LRRC4C: variants seen among roughly 807,000 people sequenced by gnomAD.
LRRC4C encodes leucine-rich repeat-containing protein 4C.
LRRC4C carries 5 observed loss-of-function variants against 33.6 expected under a neutral mutation model. That is an observed-to-expected ratio of 0.15 (90% confidence interval 0.08 to 0.31). The LOEUF is 0.31. Ranked by LOEUF, LRRC4C falls within the 10% of genes least tolerant of loss-of-function variation. The probability of loss-of-function intolerance (pLI) is 1.00; values close to 1 mark genes in which losing one functional copy is unlikely to be tolerated. For missense variants in LRRC4C, 560 were observed against 796.7 expected (o/e 0.70, Z 3.58); for synonymous variants, 329 against 302.0 (o/e 1.09, Z -0.93).
chr11:40,181,833 G>C (rs1322120277), intron 5 of LRRC4C, among the ~76,000 whole-genome samples: 1 of 152,176 alleles, frequency 6.6e-6, no homozygotes, highest in East Asian at 1.9e-4. Context: ...ATCAGGGCCA[G>C]AGCTGGTCAC....
At chr11:41,113,483 T>G (rs1468783600) in intron 1 of LRRC4C, among the ~76,000 whole-genome samples, 1 of 152,078 alleles carries the variant, frequency 6.6e-6, no homozygotes, top group African/African-American at 2.4e-5. Context: ...AGACCAAATT[T>G]CTGAAAGTCA....
chr11:41,013,726 C>T (rs190504057), intron 1 of LRRC4C, among the ~76,000 whole-genome samples: 1 of 152,244 alleles, frequency 6.6e-6, no homozygotes, highest in African/African-American at 2.4e-5. Context: ...AGTCCGTTCT[C>T]ACACTGCTAT....
At chr11:41,079,040 C>A (rs1391918046) in intron 1 of LRRC4C, among the ~76,000 whole-genome samples, 3 of 152,158 alleles carry the variant, frequency 2.0e-5, no homozygotes, top group Non-Finnish European at 2.9e-5. Flanking sequence ...TAATTTGTCT[C>A]TTATTCTCAA....
intron 4 of LRRC4C, among the ~76,000 whole-genome samples, chr11:40,282,053 A>G (rs1218799319): frequency 6.6e-6 from 1 of 152,180 alleles, no homozygotes; most frequent in Non-Finnish European, 1.5e-5. Context: ...GTAGTTTGAC[A>G]AGAACTAAGA....
chr11:41,417,820 A>C (rs187640917), intron 1 of LRRC4C, among the ~76,000 whole-genome samples: 8 of 151,892 alleles, frequency 5.3e-5, no homozygotes, highest in Admixed American at 3.9e-4. Flanking sequence ...TCTGTACACT[A>C]TACATATTAT....
intron 5 of LRRC4C, among the ~76,000 whole-genome samples, chr11:40,157,487 A>C (rs1858800836): frequency 6.6e-6 from 1 of 152,220 alleles, no homozygotes; most frequent in Admixed American, 6.5e-5. Context: ...ACAGAGTGGG[A>C]GAAAATCTTC....
intron 1 of LRRC4C, among the ~76,000 whole-genome samples, chr11:41,128,398 G>T (rs1229583138): frequency 6.6e-6 from 1 of 152,098 alleles, no homozygotes; most frequent in African/African-American, 2.4e-5. Context: ...AACCACACAG[G>T]ACTGTTAGCT....
chr11:41,039,123 G>T (rs1857266065), intron 1 of LRRC4C, among the ~76,000 whole-genome samples: 1 of 152,082 alleles, frequency 6.6e-6, no homozygotes, highest in Admixed American at 6.6e-5. Context: ...AAAGGCAAGG[G>T]TCTAGTTTCA....
At chr11:40,997,418 C>T (rs974925320) in intron 1 of LRRC4C, among the ~76,000 whole-genome samples, 6 of 151,978 alleles carry the variant, frequency 3.9e-5, no homozygotes, top group East Asian at 1.9e-4. Flanking sequence ...GTTGCAGAGA[C>T]GTCAAAAGAG....
intron 2 of LRRC4C, among the ~76,000 whole-genome samples, chr11:40,723,457 G>A (rs913413008): frequency 6.6e-6 from 1 of 152,110 alleles, no homozygotes. Context: ...CCTATTTTTA[G>A]CATTCTTAAA....
chr11:41,046,988 A>G (rs1018949435), intron 1 of LRRC4C, among the ~76,000 whole-genome samples: 1 of 152,176 alleles, frequency 6.6e-6, no homozygotes, highest in Non-Finnish European at 1.5e-5. Flanking sequence ...CAAAAGCAGA[A>G]GAAACCAAAG....
chr11:40,583,185 T>C (rs950488834), intron 3 of LRRC4C, among the ~76,000 whole-genome samples: 18 of 152,188 alleles, frequency 1.2e-4, no homozygotes, highest in African/African-American at 4.3e-4. Context: ...ACATGACTGA[T>C]AACTTTAAAT....
intron 4 of LRRC4C, among the ~76,000 whole-genome samples, chr11:40,311,916 G>T (rs2136759999): frequency 7.2e-6 from 1 of 138,164 alleles, no homozygotes; most frequent in Non-Finnish European, 1.5e-5. Context: ...CTGCACTCCA[G>T]CCTGGAGACA....
intron 1 of LRRC4C, among the ~76,000 whole-genome samples, chr11:41,093,944 A>C (rs1448940338): frequency 2.0e-5 from 3 of 150,114 alleles, no homozygotes; most frequent in Admixed American, 1.3e-4. Context: ...AAAAAAAAAA[A>C]AAAAAACACA....
intron 1 of LRRC4C, among the ~76,000 whole-genome samples, chr11:41,350,439 G>A (rs1388328526): frequency 6.7e-6 from 1 of 150,226 alleles, no homozygotes; most frequent in Admixed American, 6.7e-5. Context: ...GAACCTGGGA[G>A]GCGGAGCTTG....
chr11:41,452,884 A>AT (rs1010905548), intron 1 of LRRC4C, among the ~76,000 whole-genome samples: 2 of 152,138 alleles, frequency 1.3e-5, no homozygotes, highest in Admixed American at 1.3e-4. Flanking sequence ...CTGCTAAGTT[A>AT]TTATCATAAT....
chr11:40,468,115 T>C (rs1952744400), intron 3 of LRRC4C, among the ~76,000 whole-genome samples: 1 of 152,338 alleles, frequency 6.6e-6, no homozygotes, highest in Non-Finnish European at 1.5e-5. Context: ...AGGCTTCTTT[T>C]CTGCTAAATT....
At chr11:40,886,239 GTGATTCA>G (rs1460789167) in intron 2 of LRRC4C, among the ~76,000 whole-genome samples, 1 of 151,956 alleles carries the variant, frequency 6.6e-6, no homozygotes. Context: ...TTTCAGTGGT[GTGATTCA>G]TGTTCCAAAT....
intron 1 of LRRC4C, among the ~76,000 whole-genome samples, chr11:41,292,016 C>T (rs1950007402): frequency 6.6e-6 from 1 of 152,020 alleles, no homozygotes; most frequent in Admixed American, 6.6e-5. Context: ...GTTTGAAACC[C>T]CTTCCCGAAC....
Sources: gnomAD v4.1 joint callset for allele counts (sites outside exome capture counted in the v4.1 genomes callset) on GRCh38, gnomAD v4.1.1 for gene constraint, MANE v1.5 for transcripts, NCBI Gene and HGNC (gene_info 2026-07-23, HGNC 2026-07-21) for gene names.